Variants in CGN observed in about 807,000 individuals in gnomAD.
CGN encodes cingulin.
A neutral mutation model predicts 157.1 loss-of-function variants in CGN; 121 were observed. That is an observed-to-expected ratio of 0.77 (90% CI 0.66 to 0.90). The LOEUF is 0.90. CGN is among the 40% of genes least tolerant of loss of function. The pLI is 0.00. For missense variants in CGN, 1,424 were observed against 1,520.9 expected, an observed-to-expected ratio of 0.94 and a Z score of 1.06; for synonymous variants, 535 against 607.5, an observed-to-expected ratio of 0.88 and a Z score of 1.76.
At position 151,519,375 on chromosome 1, in the gene CGN, G is replaced by T. The variant is rs1403875446; in HGVS notation, c.856G>T (p.Asp286Tyr). 8 of 1,596,024 alleles carry T rather than the reference G, an allele frequency of 5.0e-6. No individual in the cohort carries two copies. The highest frequency in any genetic ancestry group is 5.9e-6 in the Non-Finnish European group (7 of 1,177,282). ...SFEEPRRSAQ[D>Y]PTMLQFKSTP... is the part of the protein sequence containing the mutation. ...TGAGGAGCCGCGGAGGAGTGCACAG[G>T]ACCCCACCATGCTGCAGGTCAGACC... Residue 286 changes from aspartate (D) to tyrosine (Y), a missense_variant, in exon 2 of 21, where the codon GAC (aspartate) becomes TAC (tyrosine). By Grantham distance (160) the Asp-to-Tyr change is radical. This residue lies in a region of CGN where 1,187 missense variants were observed against 1,217.6 expected (regional missense o/e 0.97). Coordinates refer to ENST00000271636, the MANE Select transcript of CGN (RefSeq NM_020770.3).
intron 19 of CGN, 25 bp downstream of exon 19, chr1:151,536,370 A>C (rs1664969369): frequency 1.5e-6 from 2 of 1,313,402 alleles, no homozygotes; most frequent in Non-Finnish European, 2.2e-6. Flanking sequence ...CCCTGGAGCC[A>C]AGCAACCTGG....
At chr1:151,510,408 G>C (rs1366818579), upstream of CGN, 1 of 152,148 alleles carries the variant, frequency 6.6e-6, no homozygotes, top group African/African-American at 2.4e-5. Context: ...ATATCTCAAC[G>C]GTTAACAGCT....
chr1:151,535,977 C>T (rs745587695), intron 18 of CGN, 79 bp downstream of exon 18: 18 of 1,100,608 alleles, frequency 1.6e-5, no homozygotes, highest in South Asian at 7.9e-5. Flanking sequence ...TCTGTGGCTC[C>T]CTCCATCTTC....
chr1:151,525,169 G>A (rs111566664), intron 8 of CGN, among the ~76,000 whole-genome samples: 182 of 152,252 alleles, frequency 1.2e-3, no homozygotes, highest in African/African-American at 4.2e-3. Flanking sequence ...GGCTGAGGCG[G>A]GTGGACTGCT....
chr1:151,524,157 A>C lies in CGN; in HGVS notation c.1269-69A>C. On this transcript the variant is annotated intron_variant, in intron 6 of 20. Transcript: ENST00000271636. The surrounding 1 kb of genome is among the most constrained non-coding windows in gnomAD (Gnocchi z 4.4). ...AAGTTTAAATGCATTAATAAATATG[A>C]ATTAAAATATATGATGCGTTTAGAG... The C allele has an allele frequency of 3.7e-6, 5 of 1,361,514 alleles. No homozygotes were observed. In the South Asian group the frequency reaches 6.6e-5, roughly 18 times the overall value. The allele number at this position is 1,361,514 out of a possible 1,614,324, so 84.3% of individuals were successfully genotyped here. A position where few individuals can be genotyped will look rare whatever the true frequency, so the allele number is the denominator to read the frequency against.
intron 5 of CGN, among the ~76,000 whole-genome samples, chr1:151,522,927 GA>G (rs3056390): frequency 0.056 from 8,207 of 145,508 alleles, 623 homozygotes; most frequent in African/African-American, 0.18. Context: ...AAAACACCAA[GA>G]AAAAAAAAAA....
Position 151,517,209 on chromosome 1 carries a change from A to C in CGN, c.-14-1297A>C, listed in dbSNP as rs1664435309. On this transcript the variant is annotated intron_variant, in intron 1 of 20. Transcript: ENST00000271636. ...TAGATAATACATCTACGTGGTTCCA[A>C]ATTCAAAAGGGACATAAGAGATATA... Among the ~76,000 whole-genome samples, 5 of 152,138 alleles carry C rather than the reference A, an allele frequency of 3.3e-5. No individual in the cohort carries two copies. The South Asian group carries it at 1.0e-3, about 31-fold the overall frequency.
rs1184189792 is a variant in CGN at position 151,519,248 on chromosome 1, C to A, written c.729C>A (p.Asn243Lys). The change falls in exon 2 of 21, where the codon AAC becomes AAA. Residue 243 changes from asparagine (N) to lysine (K), a missense_variant. Physicochemically the swap from Asn to Lys is moderately conservative, Grantham distance 94. Coordinates refer to ENST00000271636, the MANE Select transcript of CGN (RefSeq NM_020770.3). ...NHWTSSTKYD[N>K]HVGTSKQPAQ... is the part of the protein sequence containing the mutation. ...GGACCTCTAGCACAAAATATGACAA[C>A]CATGTGGGCACTTCGAAGCAGCCAG... 5.6e-6 allele frequency: 9 copies of A among 1,614,170 alleles called. No individual in the cohort carries two copies. The East Asian group carries it at 2.0e-4, about 36-fold the overall frequency.
chr1:151,521,958 G>A (rs1471898298), intron 5 of CGN, among the ~76,000 whole-genome samples: 1 of 152,234 alleles, frequency 6.6e-6, no homozygotes, highest in Non-Finnish European at 1.5e-5. Flanking sequence ...GCCAAAAGAA[G>A]TAAATTGGAG....
intron 8 of CGN, among the ~76,000 whole-genome samples, chr1:151,525,435 G>A (rs541869053): frequency 5.1e-4 from 77 of 152,222 alleles, no homozygotes; most frequent in Non-Finnish European, 9.9e-4. Flanking sequence ...AATAACTGGG[G>A]AGGTTTCCTG....
chr1:151,530,031 G>A lies in CGN; in HGVS notation c.2229G>A (p.Glu743=). 1 of 1,614,194 alleles carries A rather than the reference G, an allele frequency of 6.2e-7. No homozygotes were observed. The highest frequency in any genetic ancestry group is 8.5e-7 in the Non-Finnish European group (1 of 1,180,032). The change falls in exon 12 of 21, where the codon GAG becomes GAA. Residue 743 remains glutamate, a synonymous_variant. Coordinates refer to ENST00000271636, the MANE Select transcript of CGN (RefSeq NM_020770.3). ...TCCGCCGGCGCATCCTGGGTTTGGA[G>A]CAGCAGCTGAAGGAGACTCGAGGTC... The part of the protein sequence containing the change: ...DEFRRRILGL[E]QQLKETRGLV...
chr1:151,511,667 T>G lies in CGN; in HGVS notation c.-15+152T>G, dbSNP rs899163234. 2.6e-4 allele frequency among the ~76,000 whole-genome samples: 36 copies of G among 136,836 alleles called. No individual in the cohort carries two copies. Among genetic ancestry groups the G allele is most frequent in the Admixed American group, 3.7e-4 (5 of 13,676 alleles). 89.8% of individuals were successfully genotyped at this position (136,836 alleles called of 152,430 possible). A position where few individuals can be genotyped will look rare whatever the true frequency, so the allele number is the denominator to read the frequency against. On this transcript the variant is annotated intron_variant, in intron 1 of 20. Transcript: ENST00000271636. This position sits in a 1 kb window ranked among gnomAD's most constrained non-coding sequence, Gnocchi z 4.8. ...GGGAGGAGGGGAGATTGGGGCGGGG[T>G]GGGGTACTGATTAAGAGCCGACCCC...
intron 1 of CGN, among the ~76,000 whole-genome samples, chr1:151,518,093 C>T (rs1022919514): frequency 7.9e-5 from 12 of 152,194 alleles, no homozygotes; most frequent in African/African-American, 2.4e-4. Flanking sequence ...GCAGTCCACC[C>T]GCCTTGGCCT....
chr1:151,529,894 CT>C lies in CGN; in HGVS notation c.2107-14del, dbSNP rs1557991568. 8.1e-6 allele frequency: 13 copies of C among 1,609,490 alleles called. No homozygotes were observed. The highest frequency in any genetic ancestry group is 4.5e-5 in the East Asian group (2 of 44,794). Reference sequence around the variant, plus strand: ...GCCCTGGGGTCTGAGCTGCCACCCCCTGAACCGTCCTTAGGCTAAGATGGTG... The same window carrying C: ...GCCCTGGGGTCTGAGCTGCCACCCCCGAACCGTCCTTAGGCTAAGATGGTG... On this transcript the variant is annotated splice_polypyrimidine_tract_variant and intron_variant, in intron 11 of 20. Transcript: ENST00000271636.
At chr1:151,532,613 T>A in intron 14 of CGN, 41 bp downstream of exon 14, 1,158 of 119,210 alleles carry the variant, frequency 9.7e-3, no homozygotes, top group Middle Eastern at 0.017. Flanking sequence ...TCCTTGCCTC[T>A]TTTTTTTTTT....
At chr1:151,516,409 A>G (rs978799067) in intron 1 of CGN, among the ~76,000 whole-genome samples, 2 of 152,192 alleles carry the variant, frequency 1.3e-5, no homozygotes, top group African/African-American at 2.4e-5. Context: ...GAGCCAGAGC[A>G]TACCTGGAAT....
At position 151,519,051 on chromosome 1, in the gene CGN, G is replaced by A. The variant is rs547118877; in HGVS notation, c.532G>A (p.Val178Met). The A allele has an allele frequency of 2.5e-6, 4 of 1,614,166 alleles. No individual in the cohort carries two copies. Among genetic ancestry groups the A allele is most frequent in the Admixed American group, 1.7e-5 (1 of 60,020 alleles). ...CATTGACACTGCTCCCCTGTCTTCA[G>A]TGGACTCACTCATCAACAAGTTTGA... ...STIDTAPLSS[V>M]DSLINKFDSQ... The change falls in exon 2 of 21, where the codon GTG (valine) becomes ATG (methionine). Residue 178 changes from valine to methionine, a missense_variant. Physicochemically the swap from Val to Met is conservative, Grantham distance 21. This residue lies in a region of CGN where 1,187 missense variants were observed against 1,217.6 expected (regional missense o/e 0.97). Coordinates refer to ENST00000271636, the MANE Select transcript of CGN (RefSeq NM_020770.3).
chr1:151,530,066 G>A lies in CGN; in HGVS notation c.2264G>A (p.Gly755Asp), dbSNP rs1189916946. 2.5e-6 allele frequency: 4 copies of A among 1,614,010 alleles called. No homozygotes were observed. The highest frequency in any genetic ancestry group is 2.5e-6 in the Non-Finnish European group (3 of 1,179,990). ...AAGGAGACTCGAGGTCTGGTGGATGGTGGGGAAGCGGTGGAGGCACGACTA... is the reference window on the plus strand; with the variant it reads ...AAGGAGACTCGAGGTCTGGTGGATGATGGGGAAGCGGTGGAGGCACGACTA... ...QLKETRGLVDGGEAVEARLRD... is the reference protein window; with the variant it reads ...QLKETRGLVDDGEAVEARLRD... The change falls in exon 12 of 21, where the codon GGT becomes GAT. Residue 755 changes from glycine to aspartate, a missense_variant. This residue lies in a region of CGN where 1,187 missense variants were observed against 1,217.6 expected (regional missense o/e 0.97). Coordinates refer to ENST00000271636, the MANE Select transcript of CGN (RefSeq NM_020770.3).
At position 151,519,403 on chromosome 1, in the gene CGN, G is replaced by GC. The variant is rs1664490931; in HGVS notation, c.873+15dup. On this transcript the variant is annotated intron_variant, in intron 2 of 20. Coordinates refer to ENST00000271636, the MANE Select transcript of CGN (RefSeq NM_020770.3). ...CCCACCATGCTGCAGGTCAGACCCA[G>GC]CCCCTCCCTGACTTCTAAATGTCAG... The GC allele has an allele frequency of 2.6e-6, 4 of 1,563,348 alleles. No individual in the cohort carries two copies. The highest frequency in any genetic ancestry group is 3.4e-6 in the Non-Finnish European group (4 of 1,160,012).
Sources: allele counts gnomAD v4.1 joint callset (sites outside exome capture counted in the v4.1 genomes callset), GRCh38; gene constraint gnomAD v4.1.1; regional missense constraint gnomAD v4.1.1; non-coding constraint Gnocchi (gnomAD v3.1); transcripts MANE v1.5; gene names NCBI Gene and HGNC (gene_info 2026-07-23, HGNC 2026-07-21).